Variants in POLRMT observed in about 807,000 individuals in gnomAD.
The protein encoded by POLRMT is RNA polymerase mitochondrial.
Under a neutral mutation model 132.2 loss-of-function variants are expected in POLRMT, and 114 were observed. The ratio of observed to expected loss-of-function variants is 0.86; its 90% CI spans 0.74 to 1.01. The LOEUF is 1.01. Ranked by LOEUF, POLRMT falls within the 50% of genes least tolerant of loss-of-function variation. POLRMT has a pLI of 0.00. For synonymous variants in POLRMT, 1,020 were observed against 773.4 expected, an observed-to-expected ratio of 1.32 and a Z score of -5.29; for missense variants, 2,003 against 1,729.1, an observed-to-expected ratio of 1.16 and a Z score of -2.81.
intron 5 of POLRMT, among the ~76,000 whole-genome samples, chr19:623,861 AGCTG>A (rs745361171): frequency 2.0e-4 from 31 of 152,274 alleles, no homozygotes; most frequent in Non-Finnish European, 2.9e-4. Flanking sequence ...TGATGCTGGG[AGCTG>A]GCAGAGCCTG....
intron 12 of POLRMT, 24 bp downstream of exon 12, chr19:619,934 C>A: frequency 2.5e-6 from 4 of 1,600,168 alleles, no homozygotes; most frequent in East Asian, 4.5e-5. Context: ...CCGAGATGCC[C>A]CCGGGCAGCA....
At chr19:633,009 G>A (rs557139880) in intron 1 of POLRMT, 71 bp from the exon 2 acceptor site, 24 of 1,061,570 alleles carry the variant, frequency 2.3e-5, no homozygotes, top group Non-Finnish European at 2.7e-5. Flanking sequence ...GGCAGAAGCC[G>A]AAGGGTCGAA....
chr19:619,987 G>C lies in POLRMT; in HGVS notation c.2857C>G (p.Gln953Glu). 2 of 1,597,614 alleles carry C rather than the reference G, an allele frequency of 1.3e-6. No homozygotes were observed. The highest frequency in any genetic ancestry group is 1.7e-6 in the Non-Finnish European group (2 of 1,175,990). ...GCGGCCACGCCGCTGTACACGTCCT[G>C]CGGCACATCCGAGGGCTCCAGGTTG... ...SVNLEPSDVP[Q>E]DVYSGVAAQV... Residue 953 changes from glutamine (Q) to glutamate (E), a missense_variant, in exon 12 of 21, where the codon CAG becomes GAG. Physicochemically the swap from Gln to Glu is conservative, Grantham distance 29 (BLOSUM62 2). Coordinates refer to ENST00000588649, the MANE Select transcript of POLRMT (RefSeq NM_005035.4).
At chr19:629,420 T>C (rs1985243599) in intron 3 of POLRMT, 120 bp downstream of exon 3, 1 of 1,079,258 alleles carries the variant, frequency 9.3e-7, no homozygotes, top group African/African-American at 1.6e-5. Flanking sequence ...AAAAGAATTA[T>C]TAAAATAAAA....
In POLRMT at chr19:632,955, A is replaced by G; in HGVS notation, c.89-17T>C. Reference sequence around the variant, plus strand: ...CGGCGGTCCCTGCGGGAAAGACGAGAGCGGCTGAGCGGGGCCGGGCGTGTG... The same window carrying G: ...CGGCGGTCCCTGCGGGAAAGACGAGGGCGGCTGAGCGGGGCCGGGCGTGTG... On this transcript the variant is annotated splice_polypyrimidine_tract_variant and intron_variant, in intron 1 of 20. Transcript: ENST00000588649. 1 of 1,478,442 alleles carries G rather than the reference A, an allele frequency of 6.8e-7. No homozygotes were observed. The highest frequency in any genetic ancestry group is 8.9e-7 in the Non-Finnish European group (1 of 1,117,550). 91.6% of individuals were successfully genotyped at this position (1,478,442 alleles called of 1,614,324 possible).
chr19:630,204 C>A, intron 2 of POLRMT, 36 bp from the exon 3 acceptor site: 2 of 1,535,568 alleles, frequency 1.3e-6, no homozygotes, highest in South Asian at 2.5e-5. Flanking sequence ...TGAGAGGGAC[C>A]CCCTCCCCAT....
intron 3 of POLRMT, among the ~76,000 whole-genome samples, chr19:627,148 ATTTTT>A (rs869110035): frequency 2.5e-5 from 3 of 119,768 alleles, no homozygotes; most frequent in African/African-American, 6.6e-5. Flanking sequence ...GTTTTGGGGC[ATTTTT>A]TTTTTTTTTT....
At chr19:619,838 C>CACCAAGCA (rs1328877903) in intron 12 of POLRMT, 73 bp from the exon 13 acceptor site, 1 of 1,552,026 alleles carries the variant, frequency 6.4e-7, no homozygotes, top group Non-Finnish European at 8.7e-7. Context: ...ACCCATGAAG[C>CACCAAGCA]CCCCGCCCCA....
At chr19:630,219 G>A in intron 2 of POLRMT, 51 bp from the exon 3 acceptor site, 1 of 1,525,696 alleles carries the variant, frequency 6.6e-7, no homozygotes, top group South Asian at 1.3e-5. Flanking sequence ...CCCCATTCGA[G>A]CACCCGTCTC....
Position 621,755 on chromosome 19 carries a change from A to G in POLRMT, c.1943T>C (p.Met648Thr). ...TGTCCAGGGCAGCGGGGGGCAAAGC[A>G]TGGGTACATCCACCGCCTCGAAGGT... is the stretch of plus-strand genomic sequence containing the variant. ...TLTFEAVDVPMLCPPLPWTSP... is the reference protein window; with the variant it reads ...TLTFEAVDVPTLCPPLPWTSP... Residue 648 changes from methionine to threonine, a missense_variant, in exon 10 of 21, where the codon ATG becomes ACG. Physicochemically the swap from Met to Thr is moderately conservative, Grantham distance 81. Coordinates refer to ENST00000588649, the MANE Select transcript of POLRMT (RefSeq NM_005035.4). 1 of 1,601,326 alleles carries G rather than the reference A, an allele frequency of 6.2e-7. No homozygotes were observed. The highest frequency in any genetic ancestry group is 8.5e-7 in the Non-Finnish European group (1 of 1,179,680).
At chr19:618,641 G>C (rs138748435) in intron 16 of POLRMT, 55 bp from the exon 17 acceptor site, 12 of 1,597,374 alleles carry the variant, frequency 7.5e-6, no homozygotes, top group African/African-American at 1.3e-5. Flanking sequence ...CTAACTGGCC[G>C]CTGTCTCCAC....
chr19:623,034 C>G (rs368822299), intron 6 of POLRMT, 49 bp from the exon 7 acceptor site: 256 of 1,595,052 alleles, frequency 1.6e-4, no homozygotes, highest in Non-Finnish European at 2.1e-4. Context: ...CTGGTGGGAC[C>G]CAGGCTCACA....
intron 3 of POLRMT, among the ~76,000 whole-genome samples, chr19:626,135 C>G (rs1985000469): frequency 6.6e-6 from 1 of 151,862 alleles, no homozygotes; most frequent in Non-Finnish European, 1.5e-5. Flanking sequence ...TCATAGTTTA[C>G]TTCTTCTTTG....
chr19:620,789 G>GAACGTA (rs1458019992), intron 10 of POLRMT, among the ~76,000 whole-genome samples: 5 of 118,380 alleles, frequency 4.2e-5, no homozygotes, highest in African/African-American at 1.7e-4. Flanking sequence ...GCAGGGGAGG[G>GAACGTA]GGGAACGTGG....
intron 1 of POLRMT, 187 bp from the exon 2 acceptor site, chr19:633,125 C>T: frequency 5.0e-6 from 3 of 603,640 alleles, no homozygotes; most frequent in Non-Finnish European, 8.2e-6. Flanking sequence ...CGAACACGGG[C>T]GCGGAACCGC....
At chr19:626,779 G>C (rs1314037063) in intron 3 of POLRMT, among the ~76,000 whole-genome samples, 1 of 150,778 alleles carries the variant, frequency 6.6e-6, no homozygotes, top group Non-Finnish European at 1.5e-5. Context: ...AGAATCACTT[G>C]AACGCAGAAA....
chr19:626,898 C>CATATATATATATATATATAT (rs113561619), intron 3 of POLRMT, among the ~76,000 whole-genome samples: 1 of 146,702 alleles, frequency 6.8e-6, no homozygotes, highest in African/African-American at 2.5e-5. Flanking sequence ...CACACACACA[C>CATATATATATATATATATAT]ATATATATAT....
chr19:617,532 G>T (rs760902460), intron 19 of POLRMT, 38 bp downstream of exon 19: 7 of 1,608,536 alleles, frequency 4.4e-6, no homozygotes, highest in Non-Finnish European at 5.9e-6. Context: ...TTGGGGTGGG[G>T]GGGGAATCCA....
At chr19:625,670 A>C (rs537562737) in intron 3 of POLRMT, among the ~76,000 whole-genome samples, 61 of 152,294 alleles carry the variant, frequency 4.0e-4, no homozygotes, top group Admixed American at 1.4e-3. Context: ...TAGTTTCCTA[A>C]GGTGAAAGGT....
Sources: gnomAD v4.1 joint callset for allele counts (sites outside exome capture counted in the v4.1 genomes callset) on GRCh38, gnomAD v4.1.1 for gene constraint, MANE v1.5 for transcripts, NCBI Gene and HGNC (gene_info 2026-07-23, HGNC 2026-07-21) for gene names.